The following MME variants were observed in gnomAD, a reference collection of about 807,000 sequenced individuals.
MME encodes the protein membrane metalloendopeptidase.
Under a neutral mutation model 113.2 loss-of-function variants are expected in MME, and 98 were observed. The observed-to-expected ratio is 0.87, with a 90% confidence interval of 0.74 to 1.02. The LOEUF (loss-of-function observed/expected upper bound fraction) is 1.02, where lower values mean the gene tolerates loss of function less well. MME is among the 50% of genes least tolerant of loss of function. MME has a pLI of 0.00. For synonymous variants in MME, 292 were observed against 300.6 expected (o/e 0.97, Z 0.30); for missense variants, 836 against 896.0 (o/e 0.93, Z 0.86).
intron 20 of MME, among the ~76,000 whole-genome samples, chr3:155,169,258 T>G (rs1576669864): frequency 6.6e-6 from 1 of 152,138 alleles, no homozygotes; most frequent in African/African-American, 2.4e-5. Context: ...TAAACCATAG[T>G]TCATATATGA....
chr3:155,060,829 C>CAGAGAG (rs138935329), intron 1 of MME, among the ~76,000 whole-genome samples: 238 of 137,744 alleles, frequency 1.7e-3, no homozygotes, highest in African/African-American at 4.0e-3. Flanking sequence ...TGCAGAGAGG[C>CAGAGAG]AGAGAGAGAG....
intron 3 of MME, among the ~76,000 whole-genome samples, chr3:155,106,128 G>A (rs543781850): frequency 6.6e-6 from 1 of 152,306 alleles, no homozygotes; most frequent in East Asian, 1.9e-4. Context: ...GAGTACAGCT[G>A]TACAGAGTAA....
intron 2 of MME, 30 bp from the exon 3 acceptor site, chr3:155,085,029 A>G (rs149028419): frequency 2.3e-5 from 34 of 1,495,596 alleles, no homozygotes; most frequent in Non-Finnish European, 3.0e-5. Context: ...TGTGTTGCCA[A>G]TATTTATGTA....
At chr3:155,133,062 A>ATATATATATAT (rs376436889) in intron 8 of MME, among the ~76,000 whole-genome samples, 9 of 75,076 alleles carry the variant, frequency 1.2e-4, no homozygotes, top group African/African-American at 5.9e-4. Context: ...AAAAAAAAAA[A>ATATATATATAT]ATATATATAT....
chr3:155,039,166 A>G (rs980704615), intron 1 of MME, among the ~76,000 whole-genome samples: 3 of 152,212 alleles, frequency 2.0e-5, no homozygotes, highest in African/African-American at 4.8e-5. Context: ...AGGAGGAAAA[A>G]TAGCCCATTC....
chr3:155,153,766 G>A (rs1046671240), intron 16 of MME, among the ~76,000 whole-genome samples: 4 of 152,166 alleles, frequency 2.6e-5, no homozygotes, highest in African/African-American at 9.7e-5. Context: ...CAAAATGAAA[G>A]CATACTGACA....
chr3:155,037,620 G>T (rs113342219), intron 1 of MME, among the ~76,000 whole-genome samples: 1,998 of 152,236 alleles, frequency 0.013, 44 homozygotes, highest in African/African-American at 0.046. Flanking sequence ...AGATGAGGAA[G>T]AACTAAGGAA....
chr3:155,082,160 C>T (rs953633978), intron 1 of MME, among the ~76,000 whole-genome samples: 26 of 152,192 alleles, frequency 1.7e-4, no homozygotes, highest in African/African-American at 6.3e-4. Flanking sequence ...ATGGAGTTTC[C>T]ACAGAGCACC....
At chr3:155,136,227 C>G (rs762823405) in intron 8 of MME, among the ~76,000 whole-genome samples, 2 of 152,098 alleles carry the variant, frequency 1.3e-5, no homozygotes, top group Non-Finnish European at 2.9e-5. Flanking sequence ...TTTCTGTTCT[C>G]AAGGGGAATG....
chr3:155,059,287 G>T (rs1206034412), intron 1 of MME, among the ~76,000 whole-genome samples: 1 of 147,776 alleles, frequency 6.8e-6, no homozygotes, highest in Non-Finnish European at 1.5e-5. Context: ...AAAAAGGAAG[G>T]ATCACTTTTA....
chr3:155,040,312 A>G (rs1196892825), intron 1 of MME, among the ~76,000 whole-genome samples: 1 of 152,168 alleles, frequency 6.6e-6, no homozygotes, highest in Non-Finnish European at 1.5e-5. Context: ...AAACCCTCTC[A>G]AGTTGTCACA....
intron 3 of MME, among the ~76,000 whole-genome samples, chr3:155,101,992 G>A (rs1436634): frequency 0.068 from 10,389 of 152,168 alleles, 466 homozygotes; most frequent in South Asian, 0.16. Flanking sequence ...TCACCTATCA[G>A]CCATCACACC....
In MME at chr3:155,115,118, T is replaced by G. The variant is rs200172402; in HGVS notation, c.321T>G (p.Phe107Leu). 1.2e-6 allele frequency: 2 copies of G among 1,614,162 alleles called. No individual in the cohort carries two copies. Among genetic ancestry groups the G allele is most frequent in the East Asian group, 2.2e-5 (1 of 44,872 alleles). ...AGACCAGCTCCCGTTACGGCAACTT[T>G]GACATTTTAAGAGATGAACTAGAAG... ...IPETSSRYGNFDILRDELEVV... is the reference protein window; with the variant it reads ...IPETSSRYGNLDILRDELEVV... Residue 107 changes from phenylalanine (F) to leucine (L), a missense_variant, in exon 4 of 23, where the codon TTT (phenylalanine) becomes TTG (leucine). Coordinates refer to ENST00000360490, the MANE Select transcript of MME (RefSeq NM_007289.4).
chr3:155,098,506 A>C (rs1173742557), intron 3 of MME, among the ~76,000 whole-genome samples: 2 of 152,004 alleles, frequency 1.3e-5, no homozygotes, highest in Non-Finnish European at 2.9e-5. Context: ...CAATGAGCCA[A>C]GATCGCACCA....
intron 1 of MME, among the ~76,000 whole-genome samples, chr3:155,057,154 C>T (rs1713960298): frequency 6.6e-6 from 1 of 152,050 alleles, no homozygotes; most frequent in African/African-American, 2.4e-5. Flanking sequence ...TCAGAGTGAA[C>T]AAGCAACCTA....
At chr3:155,169,945 A>C (rs1711735505) in intron 20 of MME, among the ~76,000 whole-genome samples, 1 of 152,162 alleles carries the variant, frequency 6.6e-6, no homozygotes, top group Non-Finnish European at 1.5e-5. Flanking sequence ...AGTCAGCTAC[A>C]AGGTTTCCAA....
At chr3:155,079,025 T>G (rs1426518023), upstream of MME, among the ~76,000 whole-genome samples, 1 of 152,028 alleles carries the variant, frequency 6.6e-6, no homozygotes, top group Non-Finnish European at 1.5e-5. Flanking sequence ...ACCCTCAACC[T>G]CCGATGTACA....
chr3:155,113,136 C>T (rs1718322512), intron 3 of MME, among the ~76,000 whole-genome samples: 1 of 152,070 alleles, frequency 6.6e-6, no homozygotes, highest in Non-Finnish European at 1.5e-5. Flanking sequence ...AGCAAAGACA[C>T]AGGACTAAGA....
chr3:155,178,101 C>T (rs115422103), intron 22 of MME, among the ~76,000 whole-genome samples: 119 of 152,296 alleles, frequency 7.8e-4, no homozygotes, highest in African/African-American at 2.7e-3. Flanking sequence ...TTACTGGAAC[C>T]TACCCCATTC....
Sources: gnomAD v4.1 joint callset for allele counts (sites outside exome capture counted in the v4.1 genomes callset) on GRCh38, gnomAD v4.1.1 for gene constraint, MANE v1.5 for transcripts, NCBI Gene and HGNC (gene_info 2026-07-23, HGNC 2026-07-21) for gene names.